GPC6: variants seen among roughly 807,000 people sequenced by gnomAD.
GPC6 encodes the protein glypican-6.
GPC6 carries 14 observed loss-of-function variants against 55.2 expected under a neutral mutation model. The ratio of observed to expected loss-of-function variants is 0.25; its 90% confidence interval spans 0.17 to 0.40. The LOEUF (loss-of-function observed/expected upper bound fraction) is 0.40. GPC6 is among the 10% of genes least tolerant of loss of function. The probability of loss-of-function intolerance (pLI) is 1.00; values close to 1 mark genes in which losing one functional copy is unlikely to be tolerated. For missense variants in GPC6, 641 were observed against 708.5 expected (o/e 0.90, Z 1.08); for synonymous variants, 278 against 259.6 (o/e 1.07, Z -0.68).
chr13:93,360,547 T>C (rs996782293), intron 1 of GPC6, among the ~76,000 whole-genome samples: 4 of 152,150 alleles, frequency 2.6e-5, no homozygotes, highest in Non-Finnish European at 5.9e-5. Flanking sequence ...ATATGAGAAT[T>C]CTATTGTGTG....
At chr13:93,858,940 ATAG>A in intron 3 of GPC6, among the ~76,000 whole-genome samples, 1 of 151,582 alleles carries the variant, frequency 6.6e-6, no homozygotes, top group Admixed American at 6.6e-5. Flanking sequence ...AATACTATTA[ATAG>A]TAATGATTAT....
chr13:93,231,346 C>CATATATATACGTAT (rs1876011278), intron 1 of GPC6, among the ~76,000 whole-genome samples: 9 of 24,150 alleles, frequency 3.7e-4, no homozygotes, highest in African/African-American at 1.2e-3. Flanking sequence ...TATATATATA[C>CATATATATACGTAT]ATATATATAT....
intron 2 of GPC6, among the ~76,000 whole-genome samples, chr13:93,776,281 A>G (rs1023295356): frequency 2.6e-5 from 4 of 152,188 alleles, no homozygotes; most frequent in African/African-American, 9.6e-5. Context: ...TTCAACCCTT[A>G]CTATGTGCTG....
At chr13:93,789,598 C>CATATATATATATAT (rs755185604) in intron 2 of GPC6, among the ~76,000 whole-genome samples, 2 of 67,670 alleles carry the variant, frequency 3.0e-5, no homozygotes, top group African/African-American at 6.1e-5. Flanking sequence ...TATAATACTA[C>CATATATATATATAT]ATATATATAT....
At chr13:93,817,739 G>T (rs1325913460) in intron 2 of GPC6, among the ~76,000 whole-genome samples, 4 of 151,762 alleles carry the variant, frequency 2.6e-5, no homozygotes. Context: ...TGCACCTGTA[G>T]TCCCAGCTAC....
intron 4 of GPC6, among the ~76,000 whole-genome samples, chr13:94,264,844 T>C (rs1891749686): frequency 1.3e-5 from 2 of 152,200 alleles, no homozygotes; most frequent in African/African-American, 2.4e-5. Flanking sequence ...GACCTCATAA[T>C]CATGGCAGAA....
At chr13:93,847,863 A>C (rs1888248066) in intron 3 of GPC6, among the ~76,000 whole-genome samples, 1 of 152,180 alleles carries the variant, frequency 6.6e-6, no homozygotes, top group East Asian at 1.9e-4. Flanking sequence ...TGTTCTGAAT[A>C]CACACAACTT....
intron 2 of GPC6, among the ~76,000 whole-genome samples, chr13:93,726,232 G>A (rs910079852): frequency 2.0e-5 from 3 of 150,272 alleles, no homozygotes; most frequent in Admixed American, 6.7e-5. Context: ...TTCGTGTATC[G>A]AACATGGTGA....
At chr13:94,136,505 T>C (rs1275200664) in intron 4 of GPC6, among the ~76,000 whole-genome samples, 1 of 152,136 alleles carries the variant, frequency 6.6e-6, no homozygotes. Flanking sequence ...GGTCAGGAGA[T>C]CGAGACCATC....
At chr13:94,136,186 CTTT>C (rs11321467) in intron 4 of GPC6, among the ~76,000 whole-genome samples, 4 of 138,922 alleles carry the variant, frequency 2.9e-5, no homozygotes, top group African/African-American at 2.6e-5. Context: ...AGTTTAGCAT[CTTT>C]TTTTTTTTTT....
chr13:93,365,075 A>G (rs190704420), intron 1 of GPC6, among the ~76,000 whole-genome samples: 34 of 152,172 alleles, frequency 2.2e-4, no homozygotes, highest in Non-Finnish European at 1.3e-4. Flanking sequence ...CCCCATGTCA[A>G]TGAAAAGTAT....
intron 1 of GPC6, among the ~76,000 whole-genome samples, chr13:93,442,181 A>G (rs554504242): frequency 1.3e-5 from 2 of 152,324 alleles, no homozygotes; most frequent in South Asian, 4.1e-4. Context: ...TAATCTGATC[A>G]GTGAAAAGGA....
At chr13:93,741,687 AATAACTTTATTGATT>A (rs1439424875) in intron 2 of GPC6, among the ~76,000 whole-genome samples, 4 of 152,160 alleles carry the variant, frequency 2.6e-5, no homozygotes, top group Non-Finnish European at 5.9e-5. Context: ...CTGTTGCATA[AATAACTTTATTGATT>A]GGTTATTAGT....
At chr13:93,677,311 A>G (rs1881671812) in intron 2 of GPC6, among the ~76,000 whole-genome samples, 1 of 152,132 alleles carries the variant, frequency 6.6e-6, no homozygotes, top group Non-Finnish European at 1.5e-5. Flanking sequence ...AAGTATAGTT[A>G]TCCCTACAGG....
chr13:93,640,980 C>CA (rs1879909828), intron 2 of GPC6, among the ~76,000 whole-genome samples: 1 of 151,498 alleles, frequency 6.6e-6, no homozygotes, highest in Non-Finnish European at 1.5e-5. Flanking sequence ...CCTGTGTGTT[C>CA]ATTGGAAAGC....
At chr13:94,230,620 T>G (rs192484016) in intron 4 of GPC6, among the ~76,000 whole-genome samples, 39 of 152,254 alleles carry the variant, frequency 2.6e-4, no homozygotes, top group African/African-American at 8.9e-4. Flanking sequence ...CCCATCAGTC[T>G]CAGTAGCTGG....
At chr13:93,779,181 A>G (rs1311977776) in intron 2 of GPC6, among the ~76,000 whole-genome samples, 1 of 152,202 alleles carries the variant, frequency 6.6e-6, no homozygotes, top group Non-Finnish European at 1.5e-5. Context: ...CTCGAGAGAA[A>G]GGACTGAGAC....
chr13:93,363,049 A>G (rs1241592378), intron 1 of GPC6, among the ~76,000 whole-genome samples: 2 of 151,864 alleles, frequency 1.3e-5, no homozygotes, highest in Admixed American at 6.6e-5. Context: ...TATCTCTACC[A>G]AGACGTTTCA....
chr13:94,200,669 C>T (rs1338442629), intron 4 of GPC6, among the ~76,000 whole-genome samples: 1 of 152,176 alleles, frequency 6.6e-6, no homozygotes, highest in Non-Finnish European at 1.5e-5. Flanking sequence ...TGATAGTTTG[C>T]ATGGTTGGAG....
Sources: gnomAD v4.1 joint callset for allele counts (sites outside exome capture counted in the v4.1 genomes callset) on GRCh38, gnomAD v4.1.1 for gene constraint, MANE v1.5 for transcripts, NCBI Gene and HGNC (gene_info 2026-07-23, HGNC 2026-07-21) for gene names.